The following LOC122539214 variants were observed in gnomAD, a reference collection of about 807,000 sequenced individuals.
chr19:52,666,128 C>T, the LOC122539214 span, among the ~76,000 whole-genome samples: 1 of 141,142 alleles, frequency 7.1e-6, no homozygotes, highest in Admixed American at 7.5e-5. Flanking sequence ...CGCACCACTG[C>T]ACTCCAGCCT....
At chr19:52,680,687 A>T in the LOC122539214 span, among the ~76,000 whole-genome samples, 2 of 126,400 alleles carry the variant, frequency 1.6e-5, no homozygotes, top group Non-Finnish European at 3.1e-5. Context: ...ATCTCGGCTC[A>T]CTGCAAGCTC....
At chr19:52,668,278 G>C in the LOC122539214 span, among the ~76,000 whole-genome samples, 1 of 152,104 alleles carries the variant, frequency 6.6e-6, no homozygotes, top group African/African-American at 2.4e-5. Context: ...AGCAGAAAGG[G>C]AGGGACACAT....
At chr19:52,677,329 A>AAAAAAAAAAAAAAAAAAAAAAAAAAAAT in the LOC122539214 span, among the ~76,000 whole-genome samples, 1 of 129,116 alleles carries the variant, frequency 7.7e-6, no homozygotes, top group African/African-American at 3.0e-5. Flanking sequence ...AAAAAAAAAA[A>AAAAAAAAAAAAAAAAAAAAAAAAAAAAT]ACAAAAATTA....
chr19:52,687,352 GCT>G, the LOC122539214 span, among the ~76,000 whole-genome samples: 1 of 100,714 alleles, frequency 9.9e-6, no homozygotes, highest in Non-Finnish European at 1.8e-5. Context: ...AATTTATATA[GCT>G]ATATAAATTA....
chr19:52,659,128 T>G, the LOC122539214 span, among the ~76,000 whole-genome samples: 14 of 152,092 alleles, frequency 9.2e-5, 3 homozygotes, highest in East Asian at 3.9e-4. Flanking sequence ...GAGCAATACC[T>G]CAGTTGATGT....
the LOC122539214 span, among the ~76,000 whole-genome samples, chr19:52,656,430 C>T: frequency 2.6e-5 from 4 of 152,164 alleles, no homozygotes; most frequent in South Asian, 8.3e-4. Context: ...GAAGCCGAGG[C>T]AGGGGAATTG....
chr19:52,669,731 T>C, the LOC122539214 span, among the ~76,000 whole-genome samples: 30 of 152,264 alleles, frequency 2.0e-4, no homozygotes, highest in East Asian at 5.6e-3. Context: ...TAGCCTCAAT[T>C]CTTACTTCCC....
chr19:52,651,680 T>A, the LOC122539214 span: 2 of 67,556 alleles, frequency 3.0e-5, no homozygotes, highest in African/African-American at 1.6e-4. Context: ...AAAGACTCTG[T>A]CTCAAAAAAA....
At chr19:52,684,161 G>A in the LOC122539214 span, among the ~76,000 whole-genome samples, 1 of 152,074 alleles carries the variant, frequency 6.6e-6, no homozygotes, top group Non-Finnish European at 1.5e-5. Flanking sequence ...TTGAGGTCAG[G>A]AGTTTGAGAC....
the LOC122539214 span, among the ~76,000 whole-genome samples, chr19:52,667,514 T>C: frequency 6.6e-6 from 1 of 152,240 alleles, no homozygotes; most frequent in South Asian, 2.1e-4. Context: ...AAGTAAAATA[T>C]ACTTTTGGTA....
the LOC122539214 span, among the ~76,000 whole-genome samples, chr19:52,658,619 C>T: frequency 2.0e-5 from 3 of 152,146 alleles, no homozygotes; most frequent in Non-Finnish European, 4.4e-5. Flanking sequence ...AGGGAATAGT[C>T]ACAAACCTTT....
At chr19:52,679,084 C>T in the LOC122539214 span, among the ~76,000 whole-genome samples, 1 of 151,982 alleles carries the variant, frequency 6.6e-6, no homozygotes, top group Non-Finnish European at 1.5e-5. Flanking sequence ...GATTCTACAA[C>T]AAATTGAACA....
chr19:52,665,113 A>T, the LOC122539214 span, among the ~76,000 whole-genome samples: 3 of 152,208 alleles, frequency 2.0e-5, no homozygotes, highest in Admixed American at 2.0e-4. Flanking sequence ...ACCAATTAGA[A>T]ATCCTCTCCC....
the LOC122539214 span, among the ~76,000 whole-genome samples, chr19:52,656,617 G>A: frequency 2.0e-5 from 3 of 151,892 alleles, no homozygotes; most frequent in Non-Finnish European, 4.4e-5. Context: ...CCTATAATCC[G>A]AACACTTATG....
the LOC122539214 span, among the ~76,000 whole-genome samples, chr19:52,678,494 T>A: frequency 1.3e-5 from 2 of 148,706 alleles, no homozygotes; most frequent in Non-Finnish European, 3.0e-5. Flanking sequence ...GGAGGGTAAA[T>A]CTTGTTTCTT....
the LOC122539214 span, among the ~76,000 whole-genome samples, chr19:52,670,508 A>T: frequency 6.6e-6 from 1 of 152,182 alleles, no homozygotes; most frequent in Non-Finnish European, 1.5e-5. Flanking sequence ...AGAAAATTTT[A>T]TATTTGGTGC....
the LOC122539214 span, chr19:52,652,291 C>A: frequency 4.2e-6 from 1 of 235,470 alleles, no homozygotes; most frequent in Non-Finnish European, 8.4e-6. Flanking sequence ...TAAAAATTAG[C>A]CAGGCTTGGT....
the LOC122539214 span, among the ~76,000 whole-genome samples, chr19:52,661,599 G>A: frequency 7.2e-5 from 11 of 152,216 alleles, no homozygotes; most frequent in Non-Finnish European, 1.5e-4. Flanking sequence ...CATAAAAGAT[G>A]TATTTGCAAA....
chr19:52,688,018 T>C, the LOC122539214 span, among the ~76,000 whole-genome samples: 1 of 152,074 alleles, frequency 6.6e-6, no homozygotes, highest in Non-Finnish European at 1.5e-5. Flanking sequence ...TTACAGAATG[T>C]ACATGTCTCA....
Sources: allele counts gnomAD v4.1 joint callset (sites outside exome capture counted in the v4.1 genomes callset), GRCh38; gene constraint gnomAD v4.1.1; transcripts MANE v1.5.